KIAA1958: variants seen among roughly 807,000 people sequenced by gnomAD.
KIAA1958 encodes the protein KIAA1958, also known as uncharacterized protein KIAA1958.
A neutral mutation model predicts 47.2 loss-of-function variants in KIAA1958; 14 were observed. The ratio of observed to expected loss-of-function variants is 0.30; its 90% CI spans 0.20 to 0.46. KIAA1958 has a LOEUF of 0.46. Ranked by LOEUF, KIAA1958 falls within the 20% of genes least tolerant of loss-of-function variation. KIAA1958 has a pLI of 1.00. For synonymous variants in KIAA1958, 354 were observed against 353.3 expected (o/e 1.00, Z -0.02); for missense variants, 803 against 909.2 (o/e 0.88, Z 1.50).
intron 1 of KIAA1958, among the ~76,000 whole-genome samples, chr9:112,519,110 T>C (rs115309367): frequency 0.015 from 2,244 of 152,028 alleles, 61 homozygotes; most frequent in African/African-American, 0.05. Context: ...TTAAATTTAT[T>C]ATTATTATTT....
chr9:112,657,397 C>G (rs1837168561), intron 3 of KIAA1958, among the ~76,000 whole-genome samples: 1 of 152,014 alleles, frequency 6.6e-6, no homozygotes, highest in African/African-American at 2.4e-5. Flanking sequence ...CAACCCCACT[C>G]TACGATTTTG....
intron 1 of KIAA1958, among the ~76,000 whole-genome samples, chr9:112,497,531 G>T (rs1480850256): frequency 2.6e-5 from 4 of 152,308 alleles, no homozygotes; most frequent in South Asian, 4.1e-4. Flanking sequence ...ATAAACTTCT[G>T]TTGTTTCAGG....
chr9:112,522,571 C>A (rs1834564626), intron 1 of KIAA1958, among the ~76,000 whole-genome samples: 1 of 152,228 alleles, frequency 6.6e-6, no homozygotes, highest in Non-Finnish European at 1.5e-5. Flanking sequence ...TCCTTGGTTT[C>A]ATTCCAAGGA....
chr9:112,651,490 G>A (rs1837054661), intron 3 of KIAA1958, among the ~76,000 whole-genome samples: 1 of 151,280 alleles, frequency 6.6e-6, no homozygotes, highest in Admixed American at 6.6e-5. Context: ...TGCCTCCCAG[G>A]TTCAAATGAT....
intron 1 of KIAA1958, among the ~76,000 whole-genome samples, chr9:112,497,428 A>G (rs970671124): frequency 1.3e-5 from 2 of 152,200 alleles, no homozygotes; most frequent in African/African-American, 4.8e-5. Flanking sequence ...AGCAAGGAGG[A>G]GGCCATCTGC....
chr9:112,553,840 A>G (rs933858820), intron 1 of KIAA1958, among the ~76,000 whole-genome samples: 2 of 152,230 alleles, frequency 1.3e-5, no homozygotes, highest in Admixed American at 6.5e-5. Context: ...AGTAAGAACC[A>G]TGTTTATTTT....
intron 2 of KIAA1958, among the ~76,000 whole-genome samples, chr9:112,590,378 T>A (rs1028882671): frequency 6.8e-6 from 1 of 146,208 alleles, no homozygotes; most frequent in Non-Finnish European, 1.5e-5. Context: ...TGAGACGGAA[T>A]GTCACTCTTG....
intron 2 of KIAA1958, among the ~76,000 whole-genome samples, chr9:112,592,832 G>A (rs1156894782): frequency 6.6e-6 from 1 of 152,158 alleles, no homozygotes; most frequent in African/African-American, 2.4e-5. Context: ...TGGTTTTCAG[G>A]TAATGGGACA....
chr9:112,591,750 A>G (rs570212519), intron 2 of KIAA1958, among the ~76,000 whole-genome samples: 4 of 152,214 alleles, frequency 2.6e-5, no homozygotes, highest in Non-Finnish European at 4.4e-5. Context: ...AAAATTTACA[A>G]TGTGTGGTAG....
In KIAA1958 at chr9:112,574,979, A is replaced by G. The variant is rs759993897; in HGVS notation, c.899A>G (p.His300Arg). Residue 300 changes from histidine to arginine, a missense_variant, in exon 2 of 4, where the codon CAT becomes CGT. Physicochemically the swap from His to Arg is conservative, Grantham distance 29 (BLOSUM62 0). Coordinates refer to ENST00000337530, the MANE Select transcript of KIAA1958 (RefSeq NM_133465.4). The part of the protein sequence containing the change: ...ASPNRGPPGT[H>R]GTNQQVAMQM... Reference sequence around the variant, plus strand: ...CCAAACAGAGGACCCCCTGGTACACATGGCACCAACCAACAGGTGGCCATG... The same window carrying G: ...CCAAACAGAGGACCCCCTGGTACACGTGGCACCAACCAACAGGTGGCCATG... 4 of 1,614,050 alleles carry G rather than the reference A, an allele frequency of 2.5e-6. No individual in the cohort carries two copies. The highest frequency in any genetic ancestry group is 1.3e-5 in the African/African-American group (1 of 74,936).
chr9:112,515,991 A>G (rs977057727), intron 1 of KIAA1958, among the ~76,000 whole-genome samples: 3 of 152,020 alleles, frequency 2.0e-5, no homozygotes, highest in Non-Finnish European at 4.4e-5. Flanking sequence ...AAGGAAGATA[A>G]AGGAAAAGAA....
At chr9:112,643,554 G>A (rs1336976362) in intron 2 of KIAA1958, among the ~76,000 whole-genome samples, 4 of 152,200 alleles carry the variant, frequency 2.6e-5, no homozygotes, top group African/African-American at 9.7e-5. Flanking sequence ...TGATGGGGTG[G>A]TGAGAGAAGT....
At chr9:112,534,314 A>G (rs1834815156) in intron 1 of KIAA1958, among the ~76,000 whole-genome samples, 1 of 152,200 alleles carries the variant, frequency 6.6e-6, no homozygotes, top group Non-Finnish European at 1.5e-5. Flanking sequence ...AGTGGATGAG[A>G]TGGCCTTCCA....
At chr9:112,511,454 AG>A (rs1564153963) in intron 1 of KIAA1958, among the ~76,000 whole-genome samples, 2 of 152,236 alleles carry the variant, frequency 1.3e-5, no homozygotes, top group South Asian at 4.1e-4. Flanking sequence ...GAAGCAAAAA[AG>A]GGTTGAGAGA....
chr9:112,600,717 A>G (rs1489161390), intron 2 of KIAA1958, among the ~76,000 whole-genome samples: 2 of 152,218 alleles, frequency 1.3e-5, no homozygotes. Flanking sequence ...CTAGCTTGGA[A>G]TAATTAGCAA....
chr9:112,639,275 G>A (rs556163615), intron 2 of KIAA1958, among the ~76,000 whole-genome samples: 1 of 152,012 alleles, frequency 6.6e-6, no homozygotes, highest in South Asian at 2.1e-4. Flanking sequence ...AACTTTCCTT[G>A]CCCACTCAGA....
At chr9:112,562,460 C>T (rs968724595) in intron 1 of KIAA1958, among the ~76,000 whole-genome samples, 1 of 152,160 alleles carries the variant, frequency 6.6e-6, no homozygotes, top group African/African-American at 2.4e-5. Context: ...AGTTGTATCT[C>T]ACACACACCC....
intron 1 of KIAA1958, among the ~76,000 whole-genome samples, chr9:112,510,023 T>C (rs1834296812): frequency 6.6e-6 from 1 of 152,210 alleles, no homozygotes; most frequent in Non-Finnish European, 1.5e-5. Context: ...AATAACCATC[T>C]GAGTGCTAAA....
chr9:112,610,124 CA>C (rs1836299685), intron 2 of KIAA1958, among the ~76,000 whole-genome samples: 1 of 151,486 alleles, frequency 6.6e-6, no homozygotes, highest in African/African-American at 2.4e-5. Flanking sequence ...TTTTTTGATT[CA>C]AAAGTTTTTA....
Sources: allele counts gnomAD v4.1 joint callset (sites outside exome capture counted in the v4.1 genomes callset), GRCh38; gene constraint gnomAD v4.1.1; transcripts MANE v1.5; gene names NCBI Gene and HGNC (gene_info 2026-07-23, HGNC 2026-07-21).